The following GMDS variants were observed in gnomAD, a reference collection of about 807,000 sequenced individuals.
GMDS encodes GDP-mannose 4,6-dehydratase.
A neutral mutation model predicts 49.9 loss-of-function variants in GMDS; 20 were observed. The observed-to-expected ratio is 0.40, with a 90% CI of 0.28 to 0.58. The LOEUF is 0.58. Ranked by LOEUF, GMDS falls within the 20% of genes least tolerant of loss-of-function variation. GMDS has a pLI of 0.42. For missense variants in GMDS, 362 were observed against 481.4 expected (o/e 0.75, Z 2.32); for synonymous variants, 177 against 178.6 (o/e 0.99, Z 0.07).
At chr6:2,140,051 T>C (rs9503108) in intron 1 of GMDS, among the ~76,000 whole-genome samples, 16,674 of 151,992 alleles carry the variant, frequency 0.11, 3,023 homozygotes, top group African/African-American at 0.38. Flanking sequence ...GGCTAAAAAA[T>C]GGCCCCCAAA....
intron 9 of GMDS, among the ~76,000 whole-genome samples, chr6:1,651,864 C>T (rs1763662298): frequency 6.6e-6 from 1 of 152,086 alleles, no homozygotes; most frequent in African/African-American, 2.4e-5. Context: ...GTATAGCTGC[C>T]CAAATGCCTT....
intron 9 of GMDS, among the ~76,000 whole-genome samples, chr6:1,653,723 G>A (rs1220161248): frequency 2.6e-5 from 4 of 152,164 alleles, no homozygotes; most frequent in South Asian, 2.1e-4. Flanking sequence ...TTCAACGAAT[G>A]GTACTGGAAA....
intron 1 of GMDS, among the ~76,000 whole-genome samples, chr6:2,161,703 T>C (rs1464719223): frequency 6.6e-6 from 1 of 152,148 alleles, no homozygotes; most frequent in Non-Finnish European, 1.5e-5. Context: ...AGGACCTACG[T>C]GGGGCTGGTG....
At chr6:1,917,892 G>A (rs1761484501) in intron 7 of GMDS, among the ~76,000 whole-genome samples, 1 of 152,188 alleles carries the variant, frequency 6.6e-6, no homozygotes, top group Non-Finnish European at 1.5e-5. Context: ...TATGTCGTCT[G>A]AGCATGTGGG....
intron 1 of GMDS, among the ~76,000 whole-genome samples, chr6:2,159,941 G>A (rs767717989): frequency 2.0e-5 from 3 of 152,060 alleles, no homozygotes; most frequent in Non-Finnish European, 4.4e-5. Flanking sequence ...AGGGTCAACT[G>A]TAATATATAA....
chr6:2,242,496 G>A lies in GMDS; in HGVS notation c.102+2825C>T, dbSNP rs1781657901. Reference sequence around the variant, plus strand: ...ACACAGCAGACAGGACACCCTGGCTGTCCGCACTATTCTCAAGCGGGAATT... The same window carrying A: ...ACACAGCAGACAGGACACCCTGGCTATCCGCACTATTCTCAAGCGGGAATT... On this transcript the variant is annotated intron_variant, in intron 1 of 10. Coordinates refer to ENST00000380815, the MANE Select transcript of GMDS (RefSeq NM_001500.4). 3.9e-5 allele frequency among the ~76,000 whole-genome samples: 6 copies of A among 152,240 alleles called. No homozygotes were observed. The South Asian group carries it at 1.2e-3, about 32-fold the overall frequency.
chr6:1,890,817 C>T (rs1484814747), intron 7 of GMDS, among the ~76,000 whole-genome samples: 2 of 152,170 alleles, frequency 1.3e-5, no homozygotes. Flanking sequence ...ACAAATTTAG[C>T]AGGGTGGATT....
chr6:1,778,211 G>C lies in GMDS; in HGVS notation c.772-35625C>G, dbSNP rs1331283009. Among the ~76,000 whole-genome samples, 1 of 152,120 alleles carries C rather than the reference G, an allele frequency of 6.6e-6. No individual in the cohort carries two copies. The highest frequency in any genetic ancestry group is 1.5e-5 in the Non-Finnish European group (1 of 68,028). ...AGCGCCCTTGGGTCTCATTTTGCTG[G>C]GATGACTATTTATATGACAGGTAAG... On this transcript the variant is annotated intron_variant, in intron 7 of 10. Transcript: ENST00000380815. This position sits in a 1 kb window ranked among gnomAD's most constrained non-coding sequence, Gnocchi z 4.6.
intron 1 of GMDS, among the ~76,000 whole-genome samples, chr6:2,130,287 T>C (rs1013242514): frequency 2.6e-5 from 4 of 152,206 alleles, no homozygotes; most frequent in African/African-American, 9.7e-5. Context: ...TCCCATCTCC[T>C]ATAGTCTTCA....
chr6:1,652,380 A>AT (rs372532227), intron 9 of GMDS, among the ~76,000 whole-genome samples: 2,691 of 10,496 alleles, frequency 0.26, 458 homozygotes, highest in East Asian at 0.32. Context: ...TAAAAAAAAA[A>AT]ATATATATAT....
chr6:2,022,117 A>T (rs548789030), intron 4 of GMDS, among the ~76,000 whole-genome samples: 1 of 152,336 alleles, frequency 6.6e-6, no homozygotes, highest in South Asian at 2.1e-4. Context: ...AAGACGACAC[A>T]GGCAACTCTT....
chr6:1,818,615 A>G (rs1413486538), intron 7 of GMDS, among the ~76,000 whole-genome samples: 2 of 151,812 alleles, frequency 1.3e-5, no homozygotes, highest in African/African-American at 2.4e-5. Flanking sequence ...TCTCAAAAAA[A>G]AAAAAAAAAA....
chr6:2,193,765 C>T (rs1779158782), intron 1 of GMDS, among the ~76,000 whole-genome samples: 1 of 132,628 alleles, frequency 7.5e-6, no homozygotes, highest in Non-Finnish European at 1.5e-5. Flanking sequence ...CGCTCTGTTG[C>T]CAGGCTGGAG....
intron 4 of GMDS, among the ~76,000 whole-genome samples, chr6:1,998,120 T>C (rs1766411431): frequency 6.6e-6 from 1 of 152,116 alleles, no homozygotes; most frequent in East Asian, 1.9e-4. Flanking sequence ...GAAAATGATC[T>C]GAAAGTGACC....
At chr6:1,730,507 C>T (rs1237803886) in intron 8 of GMDS, among the ~76,000 whole-genome samples, 1 of 152,168 alleles carries the variant, frequency 6.6e-6, no homozygotes, top group Non-Finnish European at 1.5e-5. Flanking sequence ...GCCTGATTCC[C>T]TCCCCGACAC....
At chr6:1,643,734 G>T (rs1298402298) in intron 9 of GMDS, among the ~76,000 whole-genome samples, 1 of 152,120 alleles carries the variant, frequency 6.6e-6, no homozygotes, top group African/African-American at 2.4e-5. Flanking sequence ...TGTGGTGATG[G>T]CTGCACACTG....
rs150023935 is a variant in GMDS at position 1,943,523 on chromosome 6, G to A, written c.644-13293C>T. On this transcript the variant is annotated intron_variant, in intron 6 of 10. Coordinates refer to ENST00000380815, the MANE Select transcript of GMDS (RefSeq NM_001500.4). ...TCTGCAGGGAGAGGGAGGGGAGCAG[G>A]GCTATTCCACAGTTTAAACAGGAAG... Among the ~76,000 whole-genome samples, 10 of 152,236 alleles carry A rather than the reference G, an allele frequency of 6.6e-5. No individual in the cohort carries two copies. In the East Asian group the frequency reaches 1.9e-3, roughly 29 times the overall value.
intron 9 of GMDS, among the ~76,000 whole-genome samples, chr6:1,656,947 C>G (rs566581452): frequency 6.6e-6 from 1 of 152,262 alleles, no homozygotes; most frequent in African/African-American, 2.4e-5. Context: ...CAAGGAAAGA[C>G]TGAAGTCTGG....
chr6:1,825,124 G>A (rs1434786528), intron 7 of GMDS, among the ~76,000 whole-genome samples: 2 of 152,200 alleles, frequency 1.3e-5, no homozygotes, highest in Non-Finnish European at 2.9e-5. Flanking sequence ...CATTACGAAA[G>A]TCAGTCACCA....
Sources: allele counts gnomAD v4.1 joint callset (sites outside exome capture counted in the v4.1 genomes callset), GRCh38; gene constraint gnomAD v4.1.1; non-coding constraint Gnocchi (gnomAD v3.1); transcripts MANE v1.5; gene names NCBI Gene and HGNC (gene_info 2026-07-23, HGNC 2026-07-21).